Variants in OTOG observed in about 807,000 individuals in gnomAD.
The protein encoded by OTOG is otogelin.
OTOG carries 296 observed loss-of-function variants against 313.8 expected under a neutral mutation model. The ratio of observed to expected loss-of-function variants is 0.94; its 90% CI spans 0.86 to 1.04. The LOEUF (loss-of-function observed/expected upper bound fraction) is 1.04. OTOG is among the 50% of genes least tolerant of loss of function. The pLI, the probability that OTOG is intolerant of heterozygous loss-of-function variation, is 0.00. For missense variants in OTOG, 3,948 were observed against 3,840.1 expected, an observed-to-expected ratio of 1.03 and a Z score of -0.74; for synonymous variants, 1,533 against 1,554.9, an observed-to-expected ratio of 0.99 and a Z score of 0.33.
At chr11:17,642,089 T>C in intron 52 of OTOG, 38 bp from the exon 53 acceptor site, 1 of 1,521,496 alleles carries the variant, frequency 6.6e-7, no homozygotes, top group Admixed American at 2.0e-5. Context: ...GCTGTCCATC[T>C]GGCCACAGCT....
intron 22 of OTOG, 80 bp from the exon 23 acceptor site, chr11:17,578,293 A>G (rs986335762): frequency 7.1e-7 from 1 of 1,408,956 alleles, no homozygotes; most frequent in African/African-American, 1.5e-5. Context: ...CTCTCCCTCC[A>G]TCCTCCAGCT....
At chr11:17,548,596 GGCT>G (rs1565085630) in intron 3 of OTOG, among the ~76,000 whole-genome samples, 2 of 152,012 alleles carry the variant, frequency 1.3e-5, no homozygotes, top group Non-Finnish European at 2.9e-5. Context: ...CCCTGTCAGA[GGCT>G]CCTCTCCATA....
chr11:17,593,498 A>G (rs2134061005), intron 26 of OTOG, 112 bp from the exon 27 acceptor site: 3 of 1,459,304 alleles, frequency 2.1e-6, no homozygotes, highest in Admixed American at 2.0e-5. Flanking sequence ...ACAGAGGCCA[A>G]TGTCAGGGTA....
At chr11:17,602,725 T>C (rs2134076004) in intron 32 of OTOG, among the ~76,000 whole-genome samples, 2 of 152,148 alleles carry the variant, frequency 1.3e-5, no homozygotes, top group Middle Eastern at 3.4e-3. Context: ...CTCTCCCTTC[T>C]TCCCTCCTCT....
intron 30 of OTOG, among the ~76,000 whole-genome samples, chr11:17,597,596 G>A (rs1853143824): frequency 6.6e-6 from 1 of 152,070 alleles, no homozygotes; most frequent in Non-Finnish European, 1.5e-5. Context: ...AAATCATTTT[G>A]TGCACATACA....
chr11:17,628,668 T>A (rs572781704), intron 39 of OTOG, among the ~76,000 whole-genome samples: 1 of 152,330 alleles, frequency 6.6e-6, no homozygotes, highest in South Asian at 2.1e-4. Context: ...TGGAAACAGA[T>A]ACTTAATGGC....
chr11:17,589,172 C>T (rs999761688), intron 24 of OTOG, among the ~76,000 whole-genome samples: 6 of 152,148 alleles, frequency 3.9e-5, no homozygotes, highest in African/African-American at 1.4e-4. Context: ...GTGCAAAACC[C>T]GGCTTCCAGC....
intron 43 of OTOG, 77 bp downstream of exon 43, chr11:17,633,951 C>A (rs962897621): frequency 4.3e-5 from 63 of 1,478,236 alleles, no homozygotes; most frequent in Non-Finnish European, 2.5e-5. Flanking sequence ...ACAGCTGAGT[C>A]CCATCTGCAT....
chr11:17,606,080 G>A lies in OTOG; in HGVS notation c.4101G>A (p.Leu1367=). 6.5e-7 allele frequency: 1 copy of A among 1,549,978 alleles called. No homozygotes were observed. The highest frequency in any genetic ancestry group is 8.7e-7 in the Non-Finnish European group (1 of 1,146,800). The stretch of plus-strand genomic sequence containing the variant: ...ATGTGTCGGGCGCGGTGCTGGCCCT[G>A]CGGCTGTACGAACACACAGAGGTGT... ...FLYVSGAVLA[L]RLYEHTEVFR... is the part of the protein sequence containing the mutation. The change falls in exon 33 of 56, where the codon CTG becomes CTA. Residue 1367 remains leucine, a synonymous_variant. Coordinates refer to ENST00000399397, the MANE Select transcript of OTOG (RefSeq NM_001292063.2).
chr11:17,569,137 G>C lies in OTOG; in HGVS notation c.1645-19G>C. 1 of 1,550,482 alleles carries C rather than the reference G, an allele frequency of 6.4e-7. No homozygotes were observed. On this transcript the variant is annotated intron_variant, in intron 15 of 55. Coordinates refer to ENST00000399397, the MANE Select transcript of OTOG (RefSeq NM_001292063.2). ...AGGGTCAGACCAACACTGCCCCATT[G>C]ACCTTTCTATCTCTCCAGAACCAAG...
rs895157683 is a variant in OTOG at position 17,642,167 on chromosome 11, G to T, written c.8336G>T (p.Cys2779Phe). 100 of 1,549,968 alleles carry T rather than the reference G, an allele frequency of 6.5e-5. No individual in the cohort carries two copies. The highest frequency in any genetic ancestry group is 8.4e-5 in the Non-Finnish European group (96 of 1,146,652). ...ATCGCAGACTGCGCCCGCCACCACTGCAGCAGCACGCCCCTGGGTGCCGTG... is the reference window on the plus strand; with the variant it reads ...ATCGCAGACTGCGCCCGCCACCACTTCAGCAGCACGCCCCTGGGTGCCGTG... Reference protein sequence around the residue: ...SWIADCARHHCSSTPLGAVLV... With the variant: ...SWIADCARHHFSSTPLGAVLV... The change falls in exon 53 of 56, where the codon TGC becomes TTC. Residue 2779 changes from cysteine (C) to phenylalanine (F), a missense_variant. Cys to Phe is a radical substitution (Grantham distance 205). Transcript: ENST00000399397.
rs143711874 is a variant in OTOG, at chr11:17,565,182, T to C, written c.1644+3375T>C. Among the ~76,000 whole-genome samples the C allele has an allele frequency of 4.9e-3, 744 of 152,346 alleles. 10 individuals are homozygous for C. The highest frequency in any genetic ancestry group is 0.017 in the African/African-American group (707 of 41,586). ...TACCAGATTACATATAGTCATCATGTCTCCTTAGGCCCTTCATGGATGTTA... is the reference window on the plus strand; with the variant it reads ...TACCAGATTACATATAGTCATCATGCCTCCTTAGGCCCTTCATGGATGTTA... On this transcript the variant is annotated intron_variant, in intron 15 of 55. Transcript: ENST00000399397.
At position 17,558,132 on chromosome 11, in the gene OTOG, C is replaced by G. The variant is rs1237414686; in HGVS notation, c.866-53C>G. On this transcript the variant is annotated intron_variant, in intron 8 of 55. Transcript: ENST00000399397. ...TTTCCCTCAGAGCCTTCTGTCCCTC[C>G]CATCCACCCAACCCCATCGCTGCCC... is the stretch of plus-strand genomic sequence containing the variant. 6 of 1,543,750 alleles carry G rather than the reference C, an allele frequency of 3.9e-6. No individual in the cohort carries two copies. In the African/African-American group the frequency reaches 8.2e-5, roughly 21 times the overall value.
chr11:17,638,402 T>C, intron 47 of OTOG, 49 bp from the exon 48 acceptor site: 1 of 1,433,610 alleles, frequency 7.0e-7, no homozygotes, highest in East Asian at 2.5e-5. Context: ...AGGATTCACA[T>C]CCCCAGGTGC....
At chr11:17,551,381 A>C (rs1346254430) in intron 3 of OTOG, among the ~76,000 whole-genome samples, 1 of 152,118 alleles carries the variant, frequency 6.6e-6, no homozygotes, top group Admixed American at 6.5e-5. Context: ...CTGTCTGGAA[A>C]ATAGGGTTTC....
At position 17,547,437 on chromosome 11, in the gene OTOG, C is replaced by T; in HGVS notation, c.65C>T (p.Ala22Val). The T allele has an allele frequency of 1.4e-6, 2 of 1,390,476 alleles. No individual in the cohort carries two copies. Among genetic ancestry groups the T allele is most frequent in the Non-Finnish European group, 1.9e-6 (2 of 1,077,534 alleles). 86.1% of individuals were successfully genotyped at this position (1,390,476 alleles called of 1,614,324 possible). Residue 22 changes from alanine (A) to valine (V), a missense_variant, in exon 1 of 56, where the codon GCA becomes GTA. Physicochemically the swap from Ala to Val is moderately conservative, Grantham distance 64. Coordinates refer to ENST00000399397, the MANE Select transcript of OTOG (RefSeq NM_001292063.2). ...GTCTGGCTGCCCTGGGGTGAGCAGG[C>T]AGCCGAGTCCCTGCGGGTGCAGCGC... ...LCVWLPWGEQ[A>V]AESLRVQRLA...
chr11:17,588,107 G>A (rs1361260263), intron 24 of OTOG, among the ~76,000 whole-genome samples: 3 of 152,200 alleles, frequency 2.0e-5, no homozygotes, highest in Non-Finnish European at 4.4e-5. Flanking sequence ...GACATGAGGA[G>A]GCATCTGCCT....
At position 17,547,314 on chromosome 11, in the gene OTOG, G is replaced by C. The variant is rs1463318249; in HGVS notation, c.-59G>C. The C allele has an allele frequency of 3.1e-6, 4 of 1,280,230 alleles. No individual in the cohort carries two copies. Among genetic ancestry groups the C allele is most frequent in the East Asian group, 3.1e-5 (1 of 32,152 alleles). 79.3% of individuals were successfully genotyped at this position (1,280,230 alleles called of 1,614,324 possible). ...TGGAGGTGTGACCCTGCCTTAGCCC[G>C]GGGAGGCACCTCGGGAGGCTGGCCC... On this transcript the variant is annotated 5_prime_UTR_variant, in exon 1 of 56. Coordinates refer to ENST00000399397, the MANE Select transcript of OTOG (RefSeq NM_001292063.2).
Position 17,611,310 on chromosome 11 carries a change from G to C in OTOG, c.6010G>C (p.Asp2004His). The part of the protein sequence containing the change: ...AGPHLAAEPV[D>H]EATTEPSGRS... ...GCCTCACCTGGCAGCAGAGCCGGTG[G>C]ACGAGGCCACCACAGAACCATCTGG... The change falls in exon 36 of 56, where the codon GAC (aspartate) becomes CAC (histidine). Residue 2004 changes from aspartate (D) to histidine (H), a missense_variant. By Grantham distance (81) the Asp-to-His change is moderately conservative (BLOSUM62 -1). Transcript: ENST00000399397. 1 of 1,550,576 alleles carries C rather than the reference G, an allele frequency of 6.4e-7. No individual in the cohort carries two copies.
Sources: allele counts gnomAD v4.1 joint callset (sites outside exome capture counted in the v4.1 genomes callset), GRCh38; gene constraint gnomAD v4.1.1; transcripts MANE v1.5; gene names NCBI Gene and HGNC (gene_info 2026-07-23, HGNC 2026-07-21).